ATRN: variants seen among roughly 807,000 people sequenced by gnomAD.
ATRN encodes attractin-2.
ATRN carries 54 observed loss-of-function variants against 178.7 expected under a neutral mutation model. That is an observed-to-expected ratio of 0.30 (90% CI 0.24 to 0.38). ATRN has a LOEUF of 0.38. Among genes scored for constraint, ATRN ranks in the 10% least tolerant of loss-of-function variants. The pLI is 1.00. For missense variants in ATRN, 1,443 were observed against 1,815.1 expected, an observed-to-expected ratio of 0.79 and a Z score of 3.73; for synonymous variants, 636 against 663.0, an observed-to-expected ratio of 0.96 and a Z score of 0.63.
At chr20:3,617,689 A>G (rs756675800) in intron 24 of ATRN, among the ~76,000 whole-genome samples, 5 of 152,096 alleles carry the variant, frequency 3.3e-5, no homozygotes, top group African/African-American at 7.2e-5. Context: ...AATGAAAAGA[A>G]TAATACAGGT....
chr20:3,550,649 G>A (rs2085774621), intron 6 of ATRN, among the ~76,000 whole-genome samples: 1 of 152,140 alleles, frequency 6.6e-6, no homozygotes. Context: ...TCTTATTACA[G>A]TTTTTAGGTA....
Position 3,511,285 on chromosome 20 carries a change from C to CA in ATRN, c.411-23965dup, listed in dbSNP as rs1172213293. 2.0e-5 allele frequency among the ~76,000 whole-genome samples: 3 copies of CA among 151,992 alleles called. No homozygotes were observed. The East Asian group carries it at 5.8e-4, about 29-fold the overall frequency. On this transcript the variant is annotated intron_variant, in intron 1 of 28. Transcript: ENST00000262919. The stretch of plus-strand genomic sequence containing the variant: ...GTACAGAAGCGAGGATTAACAAAGA[C>CA]AAACATTAGAAAAGACTAATAAAAC...
At chr20:3,505,200 TA>T (rs766214741) in intron 1 of ATRN, among the ~76,000 whole-genome samples, 4 of 152,174 alleles carry the variant, frequency 2.6e-5, no homozygotes, top group Non-Finnish European at 5.9e-5. Context: ...AGGGCGTAGA[TA>T]GAACAAAAAG....
At chr20:3,580,008 C>T (rs235544) in intron 15 of ATRN, among the ~76,000 whole-genome samples, 128,761 of 152,190 alleles carry the variant, frequency 0.85, 54,849 homozygotes, top group East Asian at 1. Flanking sequence ...ACATTGGTGA[C>T]ATATTCTTAG....
At chr20:3,581,528 G>A (rs1240516429) in intron 15 of ATRN, among the ~76,000 whole-genome samples, 1 of 152,158 alleles carries the variant, frequency 6.6e-6, no homozygotes, top group Non-Finnish European at 1.5e-5. Context: ...TGGACGAGGA[G>A]TGTTTCGAAT....
rs1374790880 is a variant in ATRN, at chr20:3,647,115, G to A, written c.*268G>A. On this transcript the variant is annotated 3_prime_UTR_variant, in exon 29 of 29. Coordinates refer to ENST00000262919, the MANE Select transcript of ATRN (RefSeq NM_139321.3). ...AGCTGATGGTTGCTGGAGGAGGCCAGTGTAGAGCCAGTGAGAGAACTAGGA... is the reference window on the plus strand; with the variant it reads ...AGCTGATGGTTGCTGGAGGAGGCCAATGTAGAGCCAGTGAGAGAACTAGGA... 2 of 305,664 alleles carry A rather than the reference G, an allele frequency of 6.5e-6. No individual in the cohort carries two copies. The highest frequency in any genetic ancestry group is 4.6e-5 in the Admixed American group (1 of 21,710). 18.9% of individuals were successfully genotyped at this position (305,664 alleles called of 1,614,324 possible).
In ATRN at chr20:3,530,850, T is replaced by G. The variant is rs547031416; in HGVS notation, c.411-4403T>G. On this transcript the variant is annotated intron_variant, in intron 1 of 28. Coordinates refer to ENST00000262919, the MANE Select transcript of ATRN (RefSeq NM_139321.3). ...ATAATACTGGTAAAGTAGAAAGAAA[T>G]AACTATGAGACGAGTCCTTTGAAAC... is the stretch of plus-strand genomic sequence containing the variant. Among the ~76,000 whole-genome samples, 4 of 152,220 alleles carry G rather than the reference T, an allele frequency of 2.6e-5. No homozygotes were observed. In the East Asian group the frequency reaches 5.8e-4, roughly 22 times the overall value.
At chr20:3,597,071 T>TATATATATAA (rs11087589) in intron 21 of ATRN, among the ~76,000 whole-genome samples, 2 of 134,036 alleles carry the variant, frequency 1.5e-5, no homozygotes, top group African/African-American at 2.9e-5. Flanking sequence ...TATATATATA[T>TATATATATAA]ATAAAACTTC....
chr20:3,586,149 A>G (rs918076289), intron 18 of ATRN, among the ~76,000 whole-genome samples: 1 of 152,248 alleles, frequency 6.6e-6, no homozygotes, highest in African/African-American at 2.4e-5. Context: ...TCAAAGCAAC[A>G]TTATTCATAA....
intron 6 of ATRN, among the ~76,000 whole-genome samples, chr20:3,552,520 G>A (rs538907632): frequency 1.1e-4 from 16 of 152,196 alleles, no homozygotes; most frequent in African/African-American, 3.9e-4. Context: ...TTCACACCCC[G>A]TATTGGTATA....
chr20:3,506,842 A>G (rs898688557), intron 1 of ATRN, among the ~76,000 whole-genome samples: 1 of 152,098 alleles, frequency 6.6e-6, no homozygotes, highest in African/African-American at 2.4e-5. Context: ...AATTTATATA[A>G]CAAGATCAAT....
chr20:3,564,285 AC>A (rs1175260965), intron 10 of ATRN, among the ~76,000 whole-genome samples: 4 of 152,194 alleles, frequency 2.6e-5, no homozygotes, highest in Non-Finnish European at 4.4e-5. Flanking sequence ...ACCTCTGAGT[AC>A]CCTTTAAGTC....
chr20:3,517,358 A>C (rs568116603), intron 1 of ATRN, among the ~76,000 whole-genome samples: 3 of 152,220 alleles, frequency 2.0e-5, no homozygotes, highest in Admixed American at 2.0e-4. Context: ...CATACACCAA[A>C]GTGCATATGT....
intron 18 of ATRN, among the ~76,000 whole-genome samples, chr20:3,585,338 A>G (rs975175605): frequency 1.3e-5 from 2 of 152,222 alleles, no homozygotes; most frequent in Non-Finnish European, 2.9e-5. Flanking sequence ...GCATGTAACA[A>G]CTGATGATCA....
intron 24 of ATRN, among the ~76,000 whole-genome samples, chr20:3,618,008 C>T (rs1239646290): frequency 6.6e-6 from 1 of 152,194 alleles, no homozygotes; most frequent in Non-Finnish European, 1.5e-5. Context: ...GCATCAGGGT[C>T]TGAGGGCTCC....
intron 11 of ATRN, among the ~76,000 whole-genome samples, chr20:3,571,008 T>A (rs1344363378): frequency 6.6e-6 from 1 of 152,240 alleles, no homozygotes; most frequent in Admixed American, 6.5e-5. Flanking sequence ...ATGGCTACAT[T>A]GTTTGAATAC....
At chr20:3,491,745 A>G (rs1487658257) in intron 1 of ATRN, among the ~76,000 whole-genome samples, 1 of 152,004 alleles carries the variant, frequency 6.6e-6, no homozygotes, top group African/African-American at 2.4e-5. Flanking sequence ...CTTGCAAACT[A>G]TTATTAAATC....
At position 3,638,700 on chromosome 20, in the gene ATRN, TA is replaced by T; in HGVS notation, c.3943-123del. 1.4e-6 allele frequency: 1 copy of T among 733,832 alleles called. No homozygotes were observed. Among genetic ancestry groups the T allele is most frequent in the Non-Finnish European group, 2.2e-6 (1 of 450,700 alleles). The allele number at this position is 733,832 out of a possible 1,614,324, so 45.5% of individuals were successfully genotyped here. On this transcript the variant is annotated intron_variant, in intron 26 of 28. Transcript: ENST00000262919. The surrounding 1 kb of genome is among the most constrained non-coding windows in gnomAD (Gnocchi z 4.5). ...CCCTAATGTTATCTAATATCAAGTC[TA>T]AAAAGTATCATTTTGGACTTGATTT... is the stretch of plus-strand genomic sequence containing the variant.
intron 1 of ATRN, chr20:3,490,439 G>A: frequency 1.1e-6 from 1 of 933,514 alleles, no homozygotes; most frequent in Non-Finnish European, 1.8e-6. Flanking sequence ...GTGTAATCCT[G>A]AAGTTACTCA....
Sources: allele counts gnomAD v4.1 joint callset (sites outside exome capture counted in the v4.1 genomes callset), GRCh38; gene constraint gnomAD v4.1.1; non-coding constraint Gnocchi (gnomAD v3.1); transcripts MANE v1.5; gene names NCBI Gene and HGNC (gene_info 2026-07-23, HGNC 2026-07-21).